COPB1: variants seen among roughly 807,000 people sequenced by gnomAD.
COPB1 encodes the protein coatomer subunit beta.
In COPB1, 21 loss-of-function variants were observed where a neutral mutation model predicts 108.7. That is an observed-to-expected ratio of 0.19 (90% confidence interval 0.14 to 0.28). The LOEUF (loss-of-function observed/expected upper bound fraction) is 0.28. COPB1 is among the 10% of genes least tolerant of loss of function. The pLI is 1.00. For synonymous variants in COPB1, 378 were observed against 386.8 expected, an observed-to-expected ratio of 0.98 and a Z score of 0.27; for missense variants, 919 against 1,141.3, an observed-to-expected ratio of 0.81 and a Z score of 2.81.
chr11:14,461,335 C>A lies in COPB1; in HGVS notation c.2411-4G>T, dbSNP rs995836580. On this transcript the variant is annotated splice_polypyrimidine_tract_variant and splice_region_variant and intron_variant, in intron 18 of 21. Coordinates refer to ENST00000439561, the MANE Select transcript of COPB1 (RefSeq NM_001144061.2). The stretch of plus-strand genomic sequence containing the variant: ...GCTGCTCCAGAGACATCATAAACTG[C>A]AATTACATATACAAAAAGATTCGCA... The A allele has an allele frequency of 6.2e-7, 1 of 1,610,542 alleles. No individual in the cohort carries two copies. The highest frequency in any genetic ancestry group is 8.5e-7 in the Non-Finnish European group (1 of 1,178,786).
intron 2 of COPB1, among the ~76,000 whole-genome samples, chr11:14,496,898 C>A (rs1851033003): frequency 6.6e-6 from 1 of 152,136 alleles, no homozygotes; most frequent in African/African-American, 2.4e-5. Context: ...AATCCATACA[C>A]CTACAGTGAA....
At chr11:14,481,415 C>A (rs922234113) in intron 8 of COPB1, among the ~76,000 whole-genome samples, 16 of 152,120 alleles carry the variant, frequency 1.1e-4, no homozygotes, top group African/African-American at 3.9e-4. Flanking sequence ...CCATACACAT[C>A]CAGAAAGAGG....
rs139050794 is a variant in COPB1 at position 14,472,225 on chromosome 11, G to A, written c.1737+2270C>T. Among the ~76,000 whole-genome samples the A allele has an allele frequency of 3.3e-3, 499 of 152,302 alleles. 6 individuals are homozygous for A. The highest frequency in any genetic ancestry group is 0.012 in the African/African-American group (484 of 41,558). The stretch of plus-strand genomic sequence containing the variant: ...AGCATAATGGATGTTGTCTTAGCAG[G>A]CATGAAAACATTCATTTCTTTCTAC... On this transcript the variant is annotated intron_variant, in intron 14 of 21. Coordinates refer to ENST00000439561, the MANE Select transcript of COPB1 (RefSeq NM_001144061.2).
At chr11:14,487,549 C>T (rs1424947077) in intron 6 of COPB1, among the ~76,000 whole-genome samples, 1 of 152,028 alleles carries the variant, frequency 6.6e-6, no homozygotes, top group African/African-American at 2.4e-5. Flanking sequence ...GTGGCGTGCA[C>T]CTGTAATCCC....
Position 14,483,109 on chromosome 11 carries a change from C to T in COPB1, c.880G>A (p.Asp294Asn), listed in dbSNP as rs777777654. 11 of 1,590,316 alleles carry T rather than the reference C, an allele frequency of 6.9e-6. No homozygotes were observed. The highest frequency in any genetic ancestry group is 1.7e-4 in the Middle Eastern group (1 of 5,910). ...AAAACTATGAGTTTTACATTGTTGTCGCTCTCCTTAATAATTAAATCAATG... is the reference window on the plus strand; with the variant it reads ...AAAACTATGAGTTTTACATTGTTGTTGCTCTCCTTAATAATTAAATCAATG... The part of the protein sequence containing the change: ...CYIDLIIKES[D>N]NNVKLIVLDR... The change falls in exon 8 of 22, where the codon GAC becomes AAC. Residue 294 changes from aspartate to asparagine, a missense_variant. Transcript: ENST00000439561.
intron 3 of COPB1, 119 bp downstream of exon 3, chr11:14,494,091 A>T: frequency 1.3e-6 from 1 of 747,810 alleles, no homozygotes. Flanking sequence ...TACAATTCCA[A>T]ATCTCTACAA....
chr11:14,477,150 G>A (rs891389605), intron 11 of COPB1, 135 bp from the exon 12 acceptor site: 12 of 601,236 alleles, frequency 2.0e-5, no homozygotes, highest in Middle Eastern at 2.7e-4. Flanking sequence ...TTGGGAGGCC[G>A]AGGCGGGCGG....
At chr11:14,468,001 A>G (rs1040288975) in intron 16 of COPB1, among the ~76,000 whole-genome samples, 1 of 152,222 alleles carries the variant, frequency 6.6e-6, no homozygotes, top group African/African-American at 2.4e-5. Flanking sequence ...TTAATGCCAC[A>G]GAACTGTACA....
intron 18 of COPB1, among the ~76,000 whole-genome samples, chr11:14,463,747 C>G (rs911832450): frequency 2.2e-4 from 34 of 152,196 alleles, no homozygotes; most frequent in African/African-American, 6.8e-4. Flanking sequence ...GTTTGTTCTT[C>G]TCTCCTGTAT....
chr11:14,460,342 T>C (rs994522382), intron 19 of COPB1, 45 bp from the exon 20 acceptor site: 10 of 1,246,086 alleles, frequency 8.0e-6, no homozygotes, highest in African/African-American at 3.0e-5. Flanking sequence ...AATCTTACTA[T>C]GAGAAAGCTG....
intron 20 of COPB1, 61 bp from the exon 21 acceptor site, chr11:14,458,748 A>G: frequency 6.9e-7 from 1 of 1,457,050 alleles, no homozygotes; most frequent in Non-Finnish European, 9.3e-7. Flanking sequence ...GGCAAAAACC[A>G]AACAGCATAG....
intron 2 of COPB1, among the ~76,000 whole-genome samples, chr11:14,495,278 A>G (rs1326066029): frequency 2.0e-5 from 3 of 152,198 alleles, no homozygotes; most frequent in Non-Finnish European, 4.4e-5. Context: ...AACTGTTTAG[A>G]TCATCAAAAT....
rs1850615891 is a variant in COPB1, at chr11:14,479,689, T to C, written c.1238A>G (p.Asn413Ser). The change falls in exon 11 of 22, where the codon AAC becomes AGC. Residue 413 changes from asparagine to serine, a missense_variant. Coordinates refer to ENST00000439561, the MANE Select transcript of COPB1 (RefSeq NM_001144061.2). The stretch of plus-strand genomic sequence containing the variant: ...CAAGACATCAGCAGCTGCTGCTTCG[T>C]TGTTGTCACTGAGAAATTCCATTAA... ...PVLMEFLSDNNEAAAADVLEF... is the reference protein window; with the variant it reads ...PVLMEFLSDNSEAAAADVLEF... The C allele has an allele frequency of 1.3e-6, 2 of 1,592,484 alleles. No homozygotes were observed. The highest frequency in any genetic ancestry group is 1.7e-6 in the Non-Finnish European group (2 of 1,172,930).
Position 14,480,823 on chromosome 11 carries a change from A to T in COPB1, c.1148T>A (p.Leu383Gln). 6.2e-7 allele frequency: 1 copy of T among 1,614,082 alleles called. No individual in the cohort carries two copies. ...HEDTDKYRQLLVRTLHSCSVR... is the reference protein window; with the variant it reads ...HEDTDKYRQLQVRTLHSCSVR... ...AGAACAGGAATGCAATGTTCGCACT[A>T]GGAGTTGTCTGTATTTGTCAGTATC... Residue 383 changes from leucine to glutamine, a missense_variant, in exon 10 of 22, where the codon CTA (leucine) becomes CAA (glutamine). Transcript: ENST00000439561.
chr11:14,487,667 T>A (rs1442056979), intron 6 of COPB1, among the ~76,000 whole-genome samples: 2 of 150,920 alleles, frequency 1.3e-5, no homozygotes, highest in Non-Finnish European at 2.9e-5. Flanking sequence ...AGAGTGAGAC[T>A]CTGCCCAAAA....
At chr11:14,497,180 C>T (rs548699806) in intron 2 of COPB1, among the ~76,000 whole-genome samples, 8 of 152,046 alleles carry the variant, frequency 5.3e-5, no homozygotes, top group African/African-American at 7.2e-5. Context: ...AAAGCAAAAA[C>T]GGACAAATGG....
chr11:14,467,320 A>T (rs1410501817), intron 16 of COPB1, among the ~76,000 whole-genome samples: 1 of 152,178 alleles, frequency 6.6e-6, no homozygotes, highest in Non-Finnish European at 1.5e-5. Flanking sequence ...GGAAAATGCA[A>T]ATCAAAACCA....
At chr11:14,490,398 A>T (rs887266309) in intron 5 of COPB1, among the ~76,000 whole-genome samples, 167 bp downstream of exon 5, 1 of 152,240 alleles carries the variant, frequency 6.6e-6, no homozygotes, top group Non-Finnish European at 1.5e-5. Flanking sequence ...ATTTTAGAGA[A>T]GGGTTAAGAA....
intron 14 of COPB1, chr11:14,474,151 C>A: frequency 5.8e-6 from 1 of 172,528 alleles, no homozygotes; most frequent in South Asian, 1.4e-4. Flanking sequence ...AGACAATGAC[C>A]GAATGGATGC....
Sources: gnomAD v4.1 joint callset for allele counts (sites outside exome capture counted in the v4.1 genomes callset) on GRCh38, gnomAD v4.1.1 for gene constraint, MANE v1.5 for transcripts, NCBI Gene and HGNC (gene_info 2026-07-23, HGNC 2026-07-21) for gene names.